The following TXLNG variants were observed in gnomAD, a reference collection of about 807,000 sequenced individuals.
TXLNG encodes gamma-taxilin.
A neutral mutation model predicts 38.8 loss-of-function variants in TXLNG; 5 were observed. That is an observed-to-expected ratio of 0.13 (90% CI 0.07 to 0.27). The LOEUF (loss-of-function observed/expected upper bound fraction) is 0.27. Among genes scored for constraint, TXLNG ranks in the 10% least tolerant of loss-of-function variants. TXLNG has a pLI of 1.00. For synonymous variants in TXLNG, 182 were observed against 158.2 expected (o/e 1.15, Z -1.13); for missense variants, 393 against 398.2 (o/e 0.99, Z 0.11).
chrX:16,841,473 G>A lies in TXLNG; in HGVS notation c.1294G>A (p.Glu432Lys). The change falls in exon 10 of 10, where the codon GAA becomes AAA. Residue 432 changes from glutamate (E) to lysine (K), a missense_variant. Coordinates refer to ENST00000380122, the MANE Select transcript of TXLNG (RefSeq NM_018360.3). ...KEYKALQIKL[E>K]RLEKLCRALQ... is the part of the protein sequence containing the mutation. ...GTACAAGGCCCTTCAAATAAAACTG[G>A]AACGGTTAGAGAAGCTGTGCAGGGC... is the stretch of plus-strand genomic sequence containing the variant. 2 of 1,211,396 alleles carry A rather than the reference G, an allele frequency of 1.7e-6. No individual in the cohort carries two copies. Among genetic ancestry groups the A allele is most frequent in the East Asian group, 3.0e-5 (1 of 33,822 alleles).
rs1047391676 is a variant in TXLNG at position 16,844,465 on chromosome X, T to C, written c.*2699T>C. ...TAGAGATTTTTCACTAATGTGAATCTGATTTTATCTACTTGATTCTGTATA... is the reference window on the plus strand; with the variant it reads ...TAGAGATTTTTCACTAATGTGAATCCGATTTTATCTACTTGATTCTGTATA... On this transcript the variant is annotated 3_prime_UTR_variant, in exon 10 of 10. Transcript: ENST00000380122. The C allele has an allele frequency of 8.9e-6, 1 of 112,032 alleles. No individual in the cohort carries two copies. The highest frequency in any genetic ancestry group is 1.9e-5 in the Non-Finnish European group (1 of 53,242). The allele number at this position is 112,032 out of a possible 1,213,427, so 9.2% of individuals were successfully genotyped here. A position where few individuals can be genotyped will look rare whatever the true frequency, so the allele number is the denominator to read the frequency against.
intron 6 of TXLNG, 73 bp from the exon 7 acceptor site, chrX:16,834,210 A>T: frequency 1.1e-6 from 1 of 900,670 alleles, no homozygotes; most frequent in Non-Finnish European, 1.6e-6. Context: ...ATGAAGCCTA[A>T]CTCTGATCAT....
chrX:16,808,528 C>T (rs1280650828), intron 1 of TXLNG, among the ~76,000 whole-genome samples: 1 of 111,747 alleles, frequency 8.9e-6, no homozygotes, highest in East Asian at 2.8e-4. Context: ...CTGTGAAAGT[C>T]TTGTCCCCAC....
chrX:16,815,052 C>T (rs1413947970), intron 1 of TXLNG, among the ~76,000 whole-genome samples: 2 of 112,063 alleles, frequency 1.8e-5, no homozygotes. Context: ...CTACGAATTT[C>T]ATGCTCACTG....
rs770331665 is a variant in TXLNG at position 16,821,943 on chromosome X, G to A, written c.498+1688G>A. ...CGGGAGGCAGAGCTTGCAGTGAGCC[G>A]AGATCGTGCCACTGCACTCCAGCCT... On this transcript the variant is annotated intron_variant, in intron 3 of 9. Coordinates refer to ENST00000380122, the MANE Select transcript of TXLNG (RefSeq NM_018360.3). 1.2e-4 allele frequency among the ~76,000 whole-genome samples: 13 copies of A among 109,624 alleles called. 1 individual carries two copies. The East Asian group carries it at 1.4e-3, about 12-fold the overall frequency.
intron 8 of TXLNG, 118 bp from the exon 9 acceptor site, chrX:16,839,703 G>C: frequency 2.2e-6 from 1 of 454,389 alleles, no homozygotes; most frequent in East Asian, 3.9e-5. Context: ...CTGTCAGCTG[G>C]GTGAGGGAGG....
chrX:16,829,804 A>G, intron 5 of TXLNG, 34 bp downstream of exon 5: 2 of 1,172,093 alleles, frequency 1.7e-6, no homozygotes, highest in Non-Finnish European at 2.3e-6. Context: ...ACGGCTTCTC[A>G]AGATTAGCAA....
chrX:16,799,308 G>A (rs753490855), intron 1 of TXLNG, among the ~76,000 whole-genome samples: 6 of 111,252 alleles, frequency 5.4e-5, no homozygotes, highest in African/African-American at 1.6e-4. Flanking sequence ...TCTTTAGGAC[G>A]TCCCCTTATA....
At chrX:16,813,234 C>T (rs765970236) in intron 1 of TXLNG, among the ~76,000 whole-genome samples, 19 of 111,579 alleles carry the variant, frequency 1.7e-4, no homozygotes, top group Middle Eastern at 4.6e-3. Flanking sequence ...AAATCAAAAA[C>T]ACAGTGAGGT....
chrX:16,804,081 C>T (rs1011449812), intron 1 of TXLNG, among the ~76,000 whole-genome samples: 3 of 112,057 alleles, frequency 2.7e-5, no homozygotes, highest in Non-Finnish European at 3.8e-5. Flanking sequence ...CTTCTAGGTC[C>T]GCAATCCACA....
intron 1 of TXLNG, among the ~76,000 whole-genome samples, chrX:16,810,245 A>G (rs1928466881): frequency 8.9e-6 from 1 of 112,190 alleles, no homozygotes; most frequent in Non-Finnish European, 1.9e-5. Flanking sequence ...TATATAAGAG[A>G]TTGATCCAAG....
chrX:16,787,835 A>G (rs1017584337), intron 1 of TXLNG, among the ~76,000 whole-genome samples: 9 of 112,323 alleles, frequency 8.0e-5, no homozygotes, highest in Non-Finnish European at 1.7e-4. Flanking sequence ...ATTACGAAAT[A>G]ATATTTTTCT....
chrX:16,837,731 A>G (rs768469120), intron 8 of TXLNG, 46 bp downstream of exon 8: 2 of 993,229 alleles, frequency 2.0e-6, no homozygotes, highest in South Asian at 2.3e-5. Flanking sequence ...TGGAATTTGT[A>G]TAAGCTCTTT....
intron 1 of TXLNG, among the ~76,000 whole-genome samples, chrX:16,791,920 A>G: frequency 8.9e-6 from 1 of 112,142 alleles, no homozygotes; most frequent in South Asian, 3.7e-4. Flanking sequence ...TGTGTTATTT[A>G]TATTGGTCTT....
intron 8 of TXLNG, among the ~76,000 whole-genome samples, chrX:16,838,962 T>C (rs1381111317): frequency 8.9e-6 from 1 of 111,936 alleles, no homozygotes; most frequent in African/African-American, 3.3e-5. Context: ...TGTGGGTAAT[T>C]ACCCAAGGCA....
intron 1 of TXLNG, among the ~76,000 whole-genome samples, chrX:16,805,007 T>TTTTTTC (rs1162642529): frequency 2.6e-5 from 1 of 38,723 alleles, no homozygotes; most frequent in South Asian, 3.4e-3. Flanking sequence ...TTTTTTTTTT[T>TTTTTTC]GAGAGACAGA....
At chrX:16,805,670 T>C (rs1297299725) in intron 1 of TXLNG, among the ~76,000 whole-genome samples, 1 of 112,166 alleles carries the variant, frequency 8.9e-6, no homozygotes, top group Non-Finnish European at 1.9e-5. Flanking sequence ...CATGTATGGG[T>C]CTGTGTGGTC....
At chrX:16,789,171 C>G (rs1003457086) in intron 1 of TXLNG, among the ~76,000 whole-genome samples, 14 of 111,253 alleles carry the variant, frequency 1.3e-4, no homozygotes, top group African/African-American at 4.6e-4. Context: ...TTGTCATTAT[C>G]TAGTTACATT....
At chrX:16,827,541 T>TCCTTCAAAAAGCACAAAA (rs1929214838) in intron 3 of TXLNG, among the ~76,000 whole-genome samples, 1 of 111,692 alleles carries the variant, frequency 9.0e-6, no homozygotes, top group Non-Finnish European at 1.9e-5. Context: ...CACAAGATCA[T>TCCTTCAAAAAGCACAAAA]AGCTGGAAGT....
Sources: allele counts gnomAD v4.1 joint callset (sites outside exome capture counted in the v4.1 genomes callset), GRCh38; gene constraint gnomAD v4.1.1; transcripts MANE v1.5; gene names NCBI Gene and HGNC (gene_info 2026-07-23, HGNC 2026-07-21).